SLC4A8: variants seen among roughly 807,000 people sequenced by gnomAD.
SLC4A8 encodes the protein electroneutral sodium bicarbonate exchanger 1.
Under a neutral mutation model 125.0 loss-of-function variants are expected in SLC4A8, and 40 were observed. The observed-to-expected ratio is 0.32, with a 90% CI of 0.25 to 0.42. The LOEUF is 0.42. SLC4A8 is among the 10% of genes least tolerant of loss of function. The pLI, the probability that SLC4A8 is intolerant of heterozygous loss-of-function variation, is 1.00. For synonymous variants in SLC4A8, 456 were observed against 476.0 expected (o/e 0.96, Z 0.55); for missense variants, 863 against 1,355.1 (o/e 0.64, Z 5.70).
chr12:51,473,436 A>G (rs1257398164), intron 14 of SLC4A8, among the ~76,000 whole-genome samples: 2 of 152,098 alleles, frequency 1.3e-5, no homozygotes, highest in African/African-American at 2.4e-5. Context: ...CAGTTTAATT[A>G]TTTGGAATTG....
At chr12:51,442,226 C>T (rs1438760718) in intron 2 of SLC4A8, among the ~76,000 whole-genome samples, 3 of 152,180 alleles carry the variant, frequency 2.0e-5, no homozygotes, top group East Asian at 1.9e-4. Flanking sequence ...TGTCATTAAC[C>T]ACCCAACCTC....
chr12:51,399,939 G>A (rs1230801914), intron 1 of SLC4A8, among the ~76,000 whole-genome samples: 7 of 151,388 alleles, frequency 4.6e-5, no homozygotes, highest in East Asian at 1.9e-4. Context: ...CTGAGATTGC[G>A]TGACTGCACT....
chr12:51,450,090 T>C (rs1297014472), intron 2 of SLC4A8, among the ~76,000 whole-genome samples: 3 of 152,064 alleles, frequency 2.0e-5, no homozygotes, highest in Non-Finnish European at 4.4e-5. Context: ...GGGTCACTTA[T>C]TTTCTCATGT....
At chr12:51,491,375 G>A (rs1233955117) in intron 19 of SLC4A8, among the ~76,000 whole-genome samples, 3 of 152,126 alleles carry the variant, frequency 2.0e-5, no homozygotes, top group African/African-American at 2.4e-5. Context: ...AGAAGAAGAG[G>A]TAGCAACAGA....
chr12:51,487,398 G>A (rs988048306), intron 17 of SLC4A8, among the ~76,000 whole-genome samples: 9 of 152,292 alleles, frequency 5.9e-5, no homozygotes, highest in South Asian at 2.1e-4. Flanking sequence ...CATAGATTCT[G>A]TAAACTTTTA....
intron 1 of SLC4A8, among the ~76,000 whole-genome samples, chr12:51,401,794 T>G (rs1364698499): frequency 1.3e-5 from 2 of 152,046 alleles, no homozygotes; most frequent in African/African-American, 4.8e-5. Context: ...ACCACCCCCT[T>G]CCCTTCCCAG....
chr12:51,431,407 T>C (rs1949181320), intron 1 of SLC4A8, among the ~76,000 whole-genome samples: 1 of 152,190 alleles, frequency 6.6e-6, no homozygotes, highest in African/African-American at 2.4e-5. Flanking sequence ...TATTAATCTA[T>C]CACAGTGTAA....
chr12:51,453,843 C>T (rs2138199701), intron 5 of SLC4A8, 144 bp downstream of exon 5: 1 of 477,574 alleles, frequency 2.1e-6, no homozygotes, highest in Non-Finnish European at 3.7e-6. Flanking sequence ...ATGTCCTTGG[C>T]TGTGGGAAGG....
At chr12:51,414,296 G>A (rs1453637308) in intron 1 of SLC4A8, among the ~76,000 whole-genome samples, 1 of 151,630 alleles carries the variant, frequency 6.6e-6, no homozygotes, top group African/African-American at 2.4e-5. Flanking sequence ...TACTGACTTC[G>A]TTGGTCAGTT....
At chr12:51,504,165 T>G in intron 23 of SLC4A8, 45 bp downstream of exon 23, 3 of 1,179,770 alleles carry the variant, frequency 2.5e-6, no homozygotes, top group Non-Finnish European at 3.7e-6. Flanking sequence ...GGTTATTCTC[T>G]AAGTGTTCTG....
chr12:51,465,301 G>T (rs960174100), intron 11 of SLC4A8, among the ~76,000 whole-genome samples: 1 of 152,158 alleles, frequency 6.6e-6, no homozygotes, highest in Admixed American at 6.5e-5. Flanking sequence ...GGGCAACAAG[G>T]TTTTCCTCAA....
chr12:51,491,321 C>T (rs916388442), intron 19 of SLC4A8, among the ~76,000 whole-genome samples: 10 of 151,910 alleles, frequency 6.6e-5, no homozygotes, highest in Non-Finnish European at 1.3e-4. Flanking sequence ...AAAGAGACGA[C>T]GTAAAAGAGA....
intron 1 of SLC4A8, among the ~76,000 whole-genome samples, chr12:51,419,007 G>A (rs1948736899): frequency 6.6e-6 from 1 of 152,178 alleles, no homozygotes. Context: ...TTGCTGGTGG[G>A]GGAGGGGTTA....
chr12:51,455,229 T>C (rs1158157656), intron 5 of SLC4A8, among the ~76,000 whole-genome samples: 1 of 149,920 alleles, frequency 6.7e-6, no homozygotes, highest in African/African-American at 2.5e-5. Flanking sequence ...ACAGTAACAA[T>C]CTGATCTCTC....
chr12:51,450,992 G>T lies in SLC4A8; in HGVS notation c.247G>T (p.Gly83Trp), dbSNP rs760925106. Reference sequence around the variant, plus strand: ...AGGGCGGGGCAAAGGAGCCAGCCAGGGGGAGGAAGGCCTGGAAGCCCTGGC... The same window carrying T: ...AGGGCGGGGCAAAGGAGCCAGCCAGTGGGAGGAAGGCCTGGAAGCCCTGGC... Reference protein sequence around the residue: ...RRGRGKGASQGEEGLEALAHD... With the variant: ...RRGRGKGASQWEEGLEALAHD... The change falls in exon 3 of 25, where the codon GGG (glycine) becomes TGG (tryptophan). Residue 83 changes from glycine (G) to tryptophan (W), a missense_variant. Around this residue, in one of 6 missense-constraint regions of SLC4A8, gnomAD observed 104 missense variants for 116.4 expected, o/e 0.89. Coordinates refer to ENST00000453097, the MANE Select transcript of SLC4A8 (RefSeq NM_001039960.3). 1.3e-5 allele frequency: 20 copies of T among 1,557,544 alleles called. No homozygotes were observed. Among genetic ancestry groups the T allele is most frequent in the Non-Finnish European group, 1.7e-5 (20 of 1,149,472 alleles).
chr12:51,501,191 G>C lies in SLC4A8; in HGVS notation c.3082-2838G>C, dbSNP rs751541390. On this transcript the variant is annotated intron_variant, in intron 22 of 24. Transcript: ENST00000453097. ...TAAAAAAAGTTATTTTAGATTCAGG[G>C]CATGTGCAGGTTTGTTACATGGGTG... 2.0e-5 allele frequency among the ~76,000 whole-genome samples: 3 copies of C among 152,244 alleles called. 1 individual carries two copies. Among genetic ancestry groups the C allele is most frequent in the Non-Finnish European group, 4.4e-5 (3 of 68,022 alleles).
chr12:51,396,339 T>C (rs375302928), intron 1 of SLC4A8, among the ~76,000 whole-genome samples: 1 of 152,276 alleles, frequency 6.6e-6, no homozygotes, highest in South Asian at 2.1e-4. Context: ...CAGACACCCA[T>C]AGTTTGTCAG....
At chr12:51,495,232 C>CTTA in intron 21 of SLC4A8, 114 bp downstream of exon 21, 1 of 853,662 alleles carries the variant, frequency 1.2e-6, no homozygotes, top group Non-Finnish European at 1.8e-6. Context: ...GCATTAAGTA[C>CTTA]ATTCACATTG....
At chr12:51,486,990 T>C (rs1944341320) in intron 17 of SLC4A8, among the ~76,000 whole-genome samples, 1 of 152,144 alleles carries the variant, frequency 6.6e-6, no homozygotes, top group South Asian at 2.1e-4. Context: ...CTGAGATCAG[T>C]GCTGCAGGAG....
Sources: gnomAD v4.1 joint callset for allele counts (sites outside exome capture counted in the v4.1 genomes callset) on GRCh38, gnomAD v4.1.1 for gene constraint, gnomAD v4.1.1 regional missense constraint, MANE v1.5 for transcripts, NCBI Gene and HGNC (gene_info 2026-07-23, HGNC 2026-07-21) for gene names.